WDFY2: variants seen among roughly 807,000 people sequenced by gnomAD.
The protein encoded by WDFY2 is WD repeat and FYVE domain containing 2.
WDFY2 carries 36 observed loss-of-function variants against 56.4 expected under a neutral mutation model. The observed-to-expected ratio is 0.64, with a 90% confidence interval of 0.49 to 0.84. WDFY2 has a LOEUF of 0.84. WDFY2 is among the 40% of genes least tolerant of loss of function. The pLI, the probability that WDFY2 is intolerant of heterozygous loss-of-function variation, is 0.00. For missense variants in WDFY2, 444 were observed against 512.2 expected, an observed-to-expected ratio of 0.87 and a Z score of 1.29; for synonymous variants, 176 against 183.7, an observed-to-expected ratio of 0.96 and a Z score of 0.34.
At chr13:51,677,199 A>G (rs1313644463) in intron 3 of WDFY2, among the ~76,000 whole-genome samples, 1 of 152,242 alleles carries the variant, frequency 6.6e-6, no homozygotes, top group Non-Finnish European at 1.5e-5. Context: ...GTATGTCAGT[A>G]CAGGGTTGAG....
At chr13:51,626,377 A>G (rs1954836174) in intron 1 of WDFY2, among the ~76,000 whole-genome samples, 1 of 152,182 alleles carries the variant, frequency 6.6e-6, no homozygotes, top group East Asian at 1.9e-4. Flanking sequence ...AGTTTTTAAA[A>G]TATCTGCTTA....
intron 1 of WDFY2, among the ~76,000 whole-genome samples, chr13:51,644,596 C>G (rs548906440): frequency 6.6e-6 from 1 of 152,122 alleles, no homozygotes; most frequent in Non-Finnish European, 1.5e-5. Flanking sequence ...CTGCAAATAA[C>G]TGGAATGGCG....
chr13:51,629,500 C>A (rs951787054), intron 1 of WDFY2, among the ~76,000 whole-genome samples: 18 of 152,046 alleles, frequency 1.2e-4, no homozygotes, highest in African/African-American at 4.3e-4. Context: ...TTAGTTTTCT[C>A]TATTTATTTA....
chr13:51,608,547 T>C (rs1242381288), intron 1 of WDFY2, among the ~76,000 whole-genome samples: 3 of 152,172 alleles, frequency 2.0e-5, no homozygotes, highest in Non-Finnish European at 4.4e-5. Flanking sequence ...CTGGGTGTGG[T>C]GGCGCATGCC....
chr13:51,612,814 C>A (rs1164673302), intron 1 of WDFY2, among the ~76,000 whole-genome samples: 1 of 152,190 alleles, frequency 6.6e-6, no homozygotes, highest in Non-Finnish European at 1.5e-5. Flanking sequence ...CTTCCTCCCC[C>A]TTACAGGTAG....
At chr13:51,636,788 C>A (rs73494124) in intron 1 of WDFY2, among the ~76,000 whole-genome samples, 1 of 152,102 alleles carries the variant, frequency 6.6e-6, no homozygotes, top group South Asian at 2.1e-4. Context: ...AAGGGACCCA[C>A]GTTTATATGG....
chr13:51,718,659 C>T (rs1442461167), intron 4 of WDFY2, among the ~76,000 whole-genome samples: 1 of 151,860 alleles, frequency 6.6e-6, no homozygotes, highest in Non-Finnish European at 1.5e-5. Flanking sequence ...ATAATTCTGT[C>T]CTCCTTTCCA....
intron 3 of WDFY2, among the ~76,000 whole-genome samples, chr13:51,684,215 A>G (rs761326395): frequency 2.4e-4 from 36 of 152,142 alleles, no homozygotes; most frequent in Non-Finnish European, 4.4e-4. Flanking sequence ...ATCTGCAGCA[A>G]TCATGCAAGT....
At chr13:51,713,466 A>C (rs1209570723) in intron 4 of WDFY2, among the ~76,000 whole-genome samples, 1 of 152,220 alleles carries the variant, frequency 6.6e-6, no homozygotes, top group Non-Finnish European at 1.5e-5. Context: ...TGAATGAATA[A>C]ATAAGTTTGG....
intron 1 of WDFY2, among the ~76,000 whole-genome samples, chr13:51,644,963 T>C (rs1052306597): frequency 1.3e-5 from 2 of 152,148 alleles, no homozygotes; most frequent in African/African-American, 4.8e-5. Context: ...TTGTAGAAGA[T>C]TGGGTTTAGG....
intron 5 of WDFY2, among the ~76,000 whole-genome samples, chr13:51,719,745 T>C (rs1451323917): frequency 6.6e-6 from 1 of 152,206 alleles, no homozygotes; most frequent in Non-Finnish European, 1.5e-5. Context: ...ACATTCCCAT[T>C]GGTGCCTGGG....
intron 6 of WDFY2, among the ~76,000 whole-genome samples, chr13:51,729,070 C>G (rs933005652): frequency 6.6e-6 from 1 of 152,152 alleles, no homozygotes; most frequent in Admixed American, 6.5e-5. Context: ...AGTGGTGCAT[C>G]GCTTCACCCA....
chr13:51,602,972 G>A (rs1430075248), intron 1 of WDFY2, among the ~76,000 whole-genome samples: 1 of 152,096 alleles, frequency 6.6e-6, no homozygotes, highest in East Asian at 1.9e-4. Context: ...TGCCTTTGCT[G>A]CTTGGAACAT....
At chr13:51,699,246 A>C (rs1215236545) in intron 3 of WDFY2, among the ~76,000 whole-genome samples, 1 of 152,192 alleles carries the variant, frequency 6.6e-6, no homozygotes, top group Non-Finnish European at 1.5e-5. Context: ...TTAAAATGCA[A>C]AGGGATATGG....
chr13:51,756,390 C>A lies in WDFY2; in HGVS notation c.992C>A (p.Ser331Tyr). ...GGCAAGTGCAGCTCCAAGCGCTCCT[C>A]CATCCCCCTGATGGGCTTCGAGTTT... ...VCGKCSSKRS[S>Y]IPLMGFEFEV... The change falls in exon 10 of 12, where the codon TCC becomes TAC. Residue 331 changes from serine to tyrosine, a missense_variant. Physicochemically the swap from Ser to Tyr is moderately radical, Grantham distance 144. Transcript: ENST00000298125. 6.2e-7 allele frequency: 1 copy of A among 1,614,132 alleles called. No individual in the cohort carries two copies. The highest frequency in any genetic ancestry group is 8.5e-7 in the Non-Finnish European group (1 of 1,180,014).
At chr13:51,670,888 G>T (rs764768081) in intron 2 of WDFY2, among the ~76,000 whole-genome samples, 3 of 151,884 alleles carry the variant, frequency 2.0e-5, no homozygotes, top group Non-Finnish European at 2.9e-5. Context: ...ACCTTTCCTC[G>T]AATCCCCAAA....
intron 2 of WDFY2, among the ~76,000 whole-genome samples, chr13:51,666,041 G>T (rs1192751736): frequency 1.3e-5 from 2 of 152,130 alleles, no homozygotes; most frequent in African/African-American, 2.4e-5. Context: ...CACAAGTATG[G>T]ATACCTACCA....
intron 3 of WDFY2, among the ~76,000 whole-genome samples, chr13:51,683,476 G>A (rs923853325): frequency 8.5e-5 from 13 of 152,174 alleles, no homozygotes; most frequent in African/African-American, 2.9e-4. Context: ...CATTTGTATT[G>A]CAAGGTTTCA....
chr13:51,744,203 A>G (rs1016030711), intron 7 of WDFY2, among the ~76,000 whole-genome samples: 2 of 152,240 alleles, frequency 1.3e-5, no homozygotes, highest in Non-Finnish European at 2.9e-5. Context: ...GATCTCTGGT[A>G]GTAGAAGCAT....
Sources: gnomAD v4.1 joint callset for allele counts (sites outside exome capture counted in the v4.1 genomes callset) on GRCh38, gnomAD v4.1.1 for gene constraint, MANE v1.5 for transcripts, NCBI Gene and HGNC (gene_info 2026-07-23, HGNC 2026-07-21) for gene names.